Variants in CDK12 observed in about 807,000 individuals in gnomAD.
The protein encoded by CDK12 is cyclin-dependent kinase 12.
Under a neutral mutation model 133.8 loss-of-function variants are expected in CDK12, and 17 were observed. That is an observed-to-expected ratio of 0.13 (90% CI 0.09 to 0.19). CDK12 has a LOEUF of 0.19. Ranked by LOEUF, CDK12 falls within the 10% of genes least tolerant of loss-of-function variation. CDK12 has a pLI of 1.00. For missense variants in CDK12, 1,508 were observed against 1,818.7 expected, an observed-to-expected ratio of 0.83 and a Z score of 3.11; for synonymous variants, 694 against 683.6, an observed-to-expected ratio of 1.02 and a Z score of -0.24.
intron 8 of CDK12, 56 bp from the exon 9 acceptor site, chr17:39,515,675 A>T: frequency 8.3e-7 from 1 of 1,202,772 alleles, no homozygotes; most frequent in Non-Finnish European, 1.2e-6. Context: ...TTTTTGAGAC[A>T]CTTTAAATAG....
chr17:39,523,065 T>G (rs1351094036), intron 11 of CDK12, among the ~76,000 whole-genome samples: 3 of 151,952 alleles, frequency 2.0e-5, no homozygotes, highest in Admixed American at 2.0e-4. Context: ...AAAATTAAAG[T>G]AACATAAAAG....
chr17:39,490,531 G>C (rs2051507424), intron 2 of CDK12, 26 bp from the exon 3 acceptor site: 1 of 1,518,980 alleles, frequency 6.6e-7, no homozygotes, highest in Non-Finnish European at 8.9e-7. Flanking sequence ...TTGTAATTTT[G>C]TCATCTCTTC....
intron 3 of CDK12, 133 bp downstream of exon 3, chr17:39,490,866 T>C (rs1265394725): frequency 1.7e-6 from 1 of 583,896 alleles, no homozygotes; most frequent in African/African-American, 1.9e-5. Flanking sequence ...TTTAATTTTA[T>C]TTTAATGGAC....
chr17:39,494,439 T>C, intron 4 of CDK12, 85 bp from the exon 5 acceptor site: 1 of 1,141,022 alleles, frequency 8.8e-7, no homozygotes, highest in Non-Finnish European at 1.3e-6. Context: ...TAAGTTTGTC[T>C]TCCAGAGCAA....
At chr17:39,502,310 G>A (rs904738656) in intron 6 of CDK12, among the ~76,000 whole-genome samples, 9 of 151,754 alleles carry the variant, frequency 5.9e-5, no homozygotes, top group Admixed American at 3.9e-4. Context: ...CCGCCACCAC[G>A]CCCAGCTAAT....
chr17:39,469,645 T>C (rs1317178993), intron 1 of CDK12, among the ~76,000 whole-genome samples: 2 of 151,472 alleles, frequency 1.3e-5, no homozygotes, highest in Non-Finnish European at 2.9e-5. Flanking sequence ...TCTTTTTTTT[T>C]TTTTTTTTTG....
At position 39,461,766 on chromosome 17, in the gene CDK12, C is replaced by T. The variant is rs2048975854; in HGVS notation, c.-306C>T. The T allele has an allele frequency of 4.9e-6, 2 of 406,666 alleles. No individual in the cohort carries two copies. The highest frequency in any genetic ancestry group is 4.5e-6 in the Non-Finnish European group (1 of 223,566). 25.2% of individuals were successfully genotyped at this position (406,666 alleles called of 1,614,324 possible). A position where few individuals can be genotyped will look rare whatever the true frequency, so the allele number is the denominator to read the frequency against. ...CTTCTCACTTCCTGGACCTCCCCGG[C>T]GCCCGGGCCTGAGGACTGGCTCGGC... On this transcript the variant is annotated 5_prime_UTR_variant, in exon 1 of 14. Coordinates refer to ENST00000447079, the MANE Select transcript of CDK12 (RefSeq NM_016507.4).
chr17:39,486,632 A>C (rs951812231), intron 2 of CDK12, among the ~76,000 whole-genome samples: 1 of 152,128 alleles, frequency 6.6e-6, no homozygotes. Flanking sequence ...TGAGGAATTG[A>C]GATTTGTAAA....
chr17:39,538,727 T>C (rs2055259219), downstream of CDK12, among the ~76,000 whole-genome samples: 1 of 152,072 alleles, frequency 6.6e-6, no homozygotes, highest in African/African-American at 2.4e-5. Flanking sequence ...TGAAACCCCA[T>C]CTCTACTAAA....
chr17:39,558,694 A>T (rs1048989945), intron 3 of CDK12, among the ~76,000 whole-genome samples: 9 of 152,096 alleles, frequency 5.9e-5, no homozygotes, highest in African/African-American at 2.2e-4. Context: ...CCCAGGCTGG[A>T]GTGCAATGGT....
chr17:39,482,263 C>A (rs560113967), intron 2 of CDK12, among the ~76,000 whole-genome samples: 1 of 152,062 alleles, frequency 6.6e-6, no homozygotes. Context: ...CCACCCGCCT[C>A]GGCCTCTCAG....
chr17:39,466,273 A>C (rs185280429), intron 1 of CDK12, among the ~76,000 whole-genome samples: 1 of 146,740 alleles, frequency 6.8e-6, no homozygotes, highest in Admixed American at 7.0e-5. Flanking sequence ...ACGCCACTGC[A>C]CTCCAGCCTG....
At chr17:39,501,704 A>C (rs1313153948) in intron 6 of CDK12, among the ~76,000 whole-genome samples, 4 of 152,194 alleles carry the variant, frequency 2.6e-5, no homozygotes, top group Non-Finnish European at 4.4e-5. Context: ...CCTAGGTTTT[A>C]ATAGCGTAAA....
rs145123537 is a variant in CDK12, at chr17:39,462,331, T to C, written c.260T>C (p.Met87Thr). Residue 87 changes from methionine to threonine, a missense_variant, in exon 1 of 14, where the codon ATG becomes ACG. Coordinates refer to ENST00000447079, the MANE Select transcript of CDK12 (RefSeq NM_016507.4). Reference protein sequence around the residue: ...SSDSDTFSDDMAFKLDRREND... With the variant: ...SSDSDTFSDDTAFKLDRREND... ...GATTCCGACACCTTCTCCGATGACATGGCCTTCAAACTAGACCGAAGGGAG... is the reference window on the plus strand; with the variant it reads ...GATTCCGACACCTTCTCCGATGACACGGCCTTCAAACTAGACCGAAGGGAG... 55 of 1,614,062 alleles carry C rather than the reference T, an allele frequency of 3.4e-5. No individual in the cohort carries two copies. In the African/African-American group the frequency reaches 6.7e-4, roughly 20 times the overall value.
chr17:39,505,780 A>T (rs1241160792), intron 6 of CDK12, among the ~76,000 whole-genome samples: 2 of 152,222 alleles, frequency 1.3e-5, no homozygotes, highest in Admixed American at 1.3e-4. Context: ...ACCTGTTTAT[A>T]TGGAGTACCA....
chr17:39,543,034 G>A (rs1459552224), upstream of CDK12, among the ~76,000 whole-genome samples: 1 of 152,140 alleles, frequency 6.6e-6, no homozygotes, highest in East Asian at 1.9e-4. Context: ...CTCAACTGAA[G>A]CTCTTTTGCT....
chr17:39,507,572 A>G (rs926161098), intron 6 of CDK12, among the ~76,000 whole-genome samples: 1 of 152,112 alleles, frequency 6.6e-6, no homozygotes, highest in African/African-American at 2.4e-5. Context: ...AAAAAGTGCT[A>G]TCAGCAGGTT....
intron 5 of CDK12, among the ~76,000 whole-genome samples, chr17:39,498,873 C>CTTTTTTTTTCTTTCTTTCTTTCTT (rs1451805838): frequency 3.1e-3 from 9 of 2,896 alleles, no homozygotes. Flanking sequence ...CTATGATTTT[C>CTTTTTTTTTCTTTCTTTCTTTCTT]TCTTTCTTTC....
rs4404103 is a variant in CDK12, at chr17:39,526,404, A to G, written c.3760+88A>G. ...CTTAACATTTTTTTTCCCCCACATC[A>G]ATGGCCTTGGTTTCAGTTATTCTGT... On this transcript the variant is annotated intron_variant, in intron 13 of 13. Coordinates refer to ENST00000447079, the MANE Select transcript of CDK12 (RefSeq NM_016507.4). The G allele has an allele frequency of 0.093, 90,236 of 973,502 alleles. 4,989 individuals carry two copies. The highest frequency in any genetic ancestry group is 0.19 in the African/African-American group (11,546 of 60,816). The allele number at this position is 973,502 out of a possible 1,614,324, so 60.3% of individuals were successfully genotyped here. A position where few individuals can be genotyped will look rare whatever the true frequency, so the allele number is the denominator to read the frequency against.
Sources: allele counts gnomAD v4.1 joint callset (sites outside exome capture counted in the v4.1 genomes callset), GRCh38; gene constraint gnomAD v4.1.1; transcripts MANE v1.5; gene names NCBI Gene and HGNC (gene_info 2026-07-23, HGNC 2026-07-21).